The following DOCK3 variants were observed in gnomAD, a reference collection of about 807,000 sequenced individuals.
DOCK3 encodes dedicator of cytokinesis protein 3.
In DOCK3, 60 loss-of-function variants were observed where a neutral mutation model predicts 265.6. That is an observed-to-expected ratio of 0.23 (90% CI 0.18 to 0.28). The LOEUF (loss-of-function observed/expected upper bound fraction) is 0.28. Ranked by LOEUF, DOCK3 falls within the 10% of genes least tolerant of loss-of-function variation. The pLI is 1.00. For missense variants in DOCK3, 1,981 were observed against 2,594.3 expected, an observed-to-expected ratio of 0.76 and a Z score of 5.14; for synonymous variants, 881 against 938.0, an observed-to-expected ratio of 0.94 and a Z score of 1.11.
intron 3 of DOCK3, among the ~76,000 whole-genome samples, chr3:50,875,857 TA>T (rs78356817): frequency 0.088 from 12,670 of 143,346 alleles, 1,134 homozygotes; most frequent in East Asian, 0.34. Context: ...ATTTTTGAAT[TA>T]AAAAAAAAAA....
chr3:50,735,129 A>G (rs1324236768), intron 1 of DOCK3, among the ~76,000 whole-genome samples: 6 of 152,072 alleles, frequency 3.9e-5, no homozygotes, highest in African/African-American at 1.2e-4. Flanking sequence ...CTTTGATTAT[A>G]GTATTCCATT....
At chr3:51,020,148 T>A (rs943392662) in intron 5 of DOCK3, among the ~76,000 whole-genome samples, 1 of 151,964 alleles carries the variant, frequency 6.6e-6, no homozygotes, top group Non-Finnish European at 1.5e-5. Context: ...TTTTTGACTT[T>A]TAGATAATAG....
chr3:51,160,087 C>G (rs760425236), intron 11 of DOCK3, among the ~76,000 whole-genome samples: 8 of 152,360 alleles, frequency 5.3e-5, no homozygotes, highest in Middle Eastern at 3.4e-3. Context: ...TAAGACTACT[C>G]TCAGTCCCAC....
chr3:51,364,035 A>G (rs918376405), intron 49 of DOCK3, among the ~76,000 whole-genome samples: 4 of 152,198 alleles, frequency 2.6e-5, no homozygotes, highest in African/African-American at 9.7e-5. Flanking sequence ...TGGTATTTCT[A>G]GTTCTAGATC....
chr3:51,073,045 C>A (rs1167146173), intron 6 of DOCK3, among the ~76,000 whole-genome samples: 1 of 151,874 alleles, frequency 6.6e-6, no homozygotes, highest in Non-Finnish European at 1.5e-5. Context: ...TTTACTCATT[C>A]TTTTTTGTTG....
intron 27 of DOCK3, among the ~76,000 whole-genome samples, chr3:51,300,004 A>T (rs2082290507): frequency 6.6e-6 from 1 of 152,212 alleles, no homozygotes; most frequent in South Asian, 2.1e-4. Flanking sequence ...TACTTTGGGC[A>T]GTATGGCCAT....
At position 51,381,788 on chromosome 3, in the gene DOCK3, A is replaced by C; in HGVS notation, c.*229A>C. The C allele has an allele frequency of 2.1e-6, 1 of 478,430 alleles. No individual in the cohort carries two copies. The highest frequency in any genetic ancestry group is 3.6e-6 in the Non-Finnish European group (1 of 281,594). The allele number at this position is 478,430 out of a possible 1,614,324, so 29.6% of individuals were successfully genotyped here. A position where few individuals can be genotyped will look rare whatever the true frequency, so the allele number is the denominator to read the frequency against. ...TCCCTTTTTATTTTTTTACATTTCC[A>C]TTTCTATGGGTTTTCCTTTCTTTCC... On this transcript the variant is annotated 3_prime_UTR_variant, in exon 53 of 53. Coordinates refer to ENST00000266037, the MANE Select transcript of DOCK3 (RefSeq NM_004947.5). The surrounding 1 kb of genome is among the most constrained non-coding windows in gnomAD (Gnocchi z 5.6).
At chr3:50,901,292 T>G (rs1403115578) in intron 4 of DOCK3, among the ~76,000 whole-genome samples, 1 of 152,124 alleles carries the variant, frequency 6.6e-6, no homozygotes, top group African/African-American at 2.4e-5. Context: ...AACTGCCTAC[T>G]CAAGCCTTAG....
At chr3:51,163,951 T>C (rs1004307674) in intron 12 of DOCK3, among the ~76,000 whole-genome samples, 2 of 152,176 alleles carry the variant, frequency 1.3e-5, no homozygotes, top group African/African-American at 4.8e-5. Context: ...GGTCTTTGTC[T>C]TCACTTAAGC....
chr3:51,073,474 T>A (rs2081957063), intron 6 of DOCK3, among the ~76,000 whole-genome samples: 1 of 152,192 alleles, frequency 6.6e-6, no homozygotes, highest in South Asian at 2.1e-4. Flanking sequence ...TAAGAGGTGA[T>A]GGAATGGAGT....
At chr3:51,258,375 G>C (rs1395109475) in intron 22 of DOCK3, among the ~76,000 whole-genome samples, 1 of 152,100 alleles carries the variant, frequency 6.6e-6, no homozygotes. Flanking sequence ...ATCTTCCGGG[G>C]CTTGGGCATA....
chr3:50,913,313 G>A (rs1052109315), intron 4 of DOCK3, among the ~76,000 whole-genome samples: 2 of 151,886 alleles, frequency 1.3e-5, no homozygotes, highest in African/African-American at 4.8e-5. Flanking sequence ...GTCTTGCTGT[G>A]GTTGAGCTGT....
chr3:50,675,342 G>C lies in DOCK3; in HGVS notation c.37+42G>C. 1 of 1,208,398 alleles carries C rather than the reference G, an allele frequency of 8.3e-7. No individual in the cohort carries two copies. The highest frequency in any genetic ancestry group is 3.6e-5 in the South Asian group (1 of 27,770). The allele number at this position is 1,208,398 out of a possible 1,614,324, so 74.9% of individuals were successfully genotyped here. ...CCTGGCCGTGGCGGGGGTTCTGGGG[G>C]ACGCGCCCAGCTCCCGGCCCCGCCT... is the stretch of plus-strand genomic sequence containing the variant. On this transcript the variant is annotated intron_variant, in intron 1 of 52. Coordinates refer to ENST00000266037, the MANE Select transcript of DOCK3 (RefSeq NM_004947.5). This position sits in a 1 kb window ranked among gnomAD's most constrained non-coding sequence, Gnocchi z 6.1.
At chr3:51,130,627 C>A (rs2084485693) in intron 9 of DOCK3, among the ~76,000 whole-genome samples, 1 of 152,228 alleles carries the variant, frequency 6.6e-6, no homozygotes, top group African/African-American at 2.4e-5. Context: ...GGAATCACCA[C>A]CCGTACATCT....
At chr3:51,042,783 T>G (rs2080588740) in intron 5 of DOCK3, among the ~76,000 whole-genome samples, 1 of 152,168 alleles carries the variant, frequency 6.6e-6, no homozygotes. Flanking sequence ...ATTGCTAGCA[T>G]TCCTATAGAT....
chr3:50,806,853 C>T (rs142582757), intron 2 of DOCK3, among the ~76,000 whole-genome samples: 11 of 152,036 alleles, frequency 7.2e-5, no homozygotes, highest in Non-Finnish European at 1.3e-4. Flanking sequence ...GGTTAGCACA[C>T]GTTGTGTTCC....
intron 33 of DOCK3, among the ~76,000 whole-genome samples, chr3:51,331,031 C>T (rs2084483928): frequency 6.6e-6 from 1 of 152,144 alleles, no homozygotes; most frequent in Non-Finnish European, 1.5e-5. Flanking sequence ...AATGTATTGG[C>T]ATTTCTTACC....
At chr3:50,690,613 A>ATTCG (rs749757846) in intron 1 of DOCK3, among the ~76,000 whole-genome samples, 27 of 151,020 alleles carry the variant, frequency 1.8e-4, no homozygotes, top group African/African-American at 4.4e-4. Flanking sequence ...ACATTCATTC[A>ATTCG]TTCGTTCGTT....
At chr3:51,106,290 A>T (rs2083276732) in intron 9 of DOCK3, among the ~76,000 whole-genome samples, 1 of 152,148 alleles carries the variant, frequency 6.6e-6, no homozygotes, top group African/African-American at 2.4e-5. Context: ...ATTTGTGGGT[A>T]CCCACATCAT....
Sources: allele counts gnomAD v4.1 joint callset (sites outside exome capture counted in the v4.1 genomes callset), GRCh38; gene constraint gnomAD v4.1.1; non-coding constraint Gnocchi (gnomAD v3.1); transcripts MANE v1.5; gene names NCBI Gene and HGNC (gene_info 2026-07-23, HGNC 2026-07-21).